TXNDC16: variants seen among roughly 807,000 people sequenced by gnomAD.
The protein encoded by TXNDC16 is thioredoxin domain-containing protein 16.
In TXNDC16, 74 loss-of-function variants were observed where a neutral mutation model predicts 85.6. The ratio of observed to expected loss-of-function variants is 0.86; its 90% CI spans 0.72 to 1.05. TXNDC16 has a LOEUF of 1.05. Among genes scored for constraint, TXNDC16 ranks in the 50% least tolerant of loss-of-function variants. TXNDC16 has a pLI of 0.00. For missense variants in TXNDC16, 959 were observed against 947.0 expected (o/e 1.01, Z -0.17); for synonymous variants, 335 against 326.5 (o/e 1.03, Z -0.28).
At chr14:52,459,808 A>G (rs1032511690) in intron 16 of TXNDC16, among the ~76,000 whole-genome samples, 2 of 152,238 alleles carry the variant, frequency 1.3e-5, no homozygotes, top group Non-Finnish European at 2.9e-5. Context: ...AGAACTAAAG[A>G]CAAAAATCAC....
intron 6 of TXNDC16, among the ~76,000 whole-genome samples, chr14:52,530,386 AATATT>A (rs1362178485): frequency 0.017 from 257 of 14,986 alleles, 21 homozygotes; most frequent in African/African-American, 0.054. Context: ...TATTATATAT[AATATT>A]ATAATATAAT....
intron 4 of TXNDC16, among the ~76,000 whole-genome samples, chr14:52,541,869 A>G (rs969179568): frequency 6.6e-6 from 1 of 152,256 alleles, no homozygotes; most frequent in African/African-American, 2.4e-5. Context: ...AAAAAAATTA[A>G]GTATGTAATG....
chr14:52,515,669 A>ATATGTGTGTGTGTG (rs1431250631), intron 7 of TXNDC16, among the ~76,000 whole-genome samples: 2 of 144,246 alleles, frequency 1.4e-5, no homozygotes, highest in African/African-American at 5.1e-5. Context: ...TTTCATACAT[A>ATATGTGTGTGTGTG]TGTGTGTGTG....
At chr14:52,466,145 A>G (rs1042584739) in intron 16 of TXNDC16, among the ~76,000 whole-genome samples, 1 of 152,102 alleles carries the variant, frequency 6.6e-6, no homozygotes, top group Admixed American at 6.5e-5. Context: ...TAAATAAATA[A>G]AAGCTCAGCA....
At chr14:52,463,482 C>G (rs1035904626) in intron 16 of TXNDC16, among the ~76,000 whole-genome samples, 1 of 152,184 alleles carries the variant, frequency 6.6e-6, no homozygotes, top group Non-Finnish European at 1.5e-5. Context: ...GCAGCCCCCC[C>G]AAACCAGAAT....
rs547866370 is a variant in TXNDC16, at chr14:52,457,055, C to A, written c.1703+35G>T. ...TAGATAACATTATTTTGCATAATTT[C>A]TCCCTCCCTAAAATTAAAAGAGCAA... On this transcript the variant is annotated intron_variant, in intron 17 of 20. Coordinates refer to ENST00000281741, the MANE Select transcript of TXNDC16 (RefSeq NM_020784.3). 1.9e-4 allele frequency: 254 copies of A among 1,367,378 alleles called. 9 individuals are homozygous for A. The South Asian group carries it at 3.1e-3, about 17-fold the overall frequency. The allele number at this position is 1,367,378 out of a possible 1,614,324, so 84.7% of individuals were successfully genotyped here.
intron 11 of TXNDC16, among the ~76,000 whole-genome samples, chr14:52,489,040 A>G (rs1352480114): frequency 6.6e-6 from 1 of 152,200 alleles, no homozygotes; most frequent in Non-Finnish European, 1.5e-5. Flanking sequence ...TCTTGTCACA[A>G]CCACATTATA....
Position 52,507,043 on chromosome 14 carries a change from A to G in TXNDC16, c.756+4197T>C, listed in dbSNP as rs550691509. Among the ~76,000 whole-genome samples, 6 of 152,186 alleles carry G rather than the reference A, an allele frequency of 3.9e-5. No homozygotes were observed. In the East Asian group the frequency reaches 9.7e-4, roughly 25 times the overall value. ...CTCTCTCACCACTCTTATTCAACAT[A>G]GTGTTGGAAGTTCTGTCCAGGGCAA... On this transcript the variant is annotated intron_variant, in intron 9 of 20. Coordinates refer to ENST00000281741, the MANE Select transcript of TXNDC16 (RefSeq NM_020784.3).
chr14:52,459,955 G>C (rs923923472), intron 16 of TXNDC16, among the ~76,000 whole-genome samples: 1 of 151,990 alleles, frequency 6.6e-6, no homozygotes, highest in Admixed American at 6.5e-5. Flanking sequence ...ACATCATACT[G>C]AATGGGCAAA....
Position 52,445,762 on chromosome 14 carries a change from A to G in TXNDC16, c.1843-5038T>C, listed in dbSNP as rs78270990. Among the ~76,000 whole-genome samples, 743 of 152,348 alleles carry G rather than the reference A, an allele frequency of 4.9e-3. 13 individuals are homozygous for G. The highest frequency in any genetic ancestry group is 0.039 in the Admixed American group (600 of 15,304). On this transcript the variant is annotated intron_variant, in intron 18 of 20. Coordinates refer to ENST00000281741, the MANE Select transcript of TXNDC16 (RefSeq NM_020784.3). ...TATTTAGTAAAGTAACATGCTGTACAGGTTTGTAGCCTAGGAGCAATATGC... is the reference window on the plus strand; with the variant it reads ...TATTTAGTAAAGTAACATGCTGTACGGGTTTGTAGCCTAGGAGCAATATGC...
chr14:52,530,779 G>T (rs1441420477), intron 6 of TXNDC16, among the ~76,000 whole-genome samples: 3 of 146,984 alleles, frequency 2.0e-5, no homozygotes, highest in African/African-American at 7.5e-5. Flanking sequence ...GAAGATAACA[G>T]AAGAAAAAAT....
chr14:52,518,523 G>T (rs2037137160), intron 7 of TXNDC16, among the ~76,000 whole-genome samples: 1 of 152,112 alleles, frequency 6.6e-6, no homozygotes, highest in Admixed American at 6.6e-5. Context: ...AGCAAACTCA[G>T]TTAGCTTTAC....
At chr14:52,444,424 A>C (rs978441725) in intron 18 of TXNDC16, among the ~76,000 whole-genome samples, 19 of 152,302 alleles carry the variant, frequency 1.2e-4, no homozygotes, top group Non-Finnish European at 2.2e-4. Context: ...GTTCATTAAA[A>C]TAAAAACTTC....
intron 18 of TXNDC16, among the ~76,000 whole-genome samples, chr14:52,445,379 C>A (rs939366031): frequency 2.6e-5 from 4 of 152,128 alleles, no homozygotes; most frequent in South Asian, 4.1e-4. Flanking sequence ...ATAAAGACTG[C>A]AGTCCCTTAG....
At chr14:52,510,744 TG>T (rs1294716457) in intron 9 of TXNDC16, among the ~76,000 whole-genome samples, 1 of 152,212 alleles carries the variant, frequency 6.6e-6, no homozygotes, top group East Asian at 1.9e-4. Context: ...GAGAACAGTT[TG>T]CTGATCACCA....
chr14:52,527,963 A>G (rs2037377704), intron 6 of TXNDC16, among the ~76,000 whole-genome samples: 1 of 152,170 alleles, frequency 6.6e-6, no homozygotes. Flanking sequence ...ATTTTAAATC[A>G]ATGATGTTTC....
At chr14:52,499,562 G>A (rs78858641) in intron 9 of TXNDC16, among the ~76,000 whole-genome samples, 4,544 of 147,964 alleles carry the variant, frequency 0.031, 223 homozygotes, top group African/African-American at 0.11. Context: ...AATAAAACTC[G>A]AAACCACCAT....
At chr14:52,440,855 G>C in intron 18 of TXNDC16, 131 bp from the exon 19 acceptor site, 2 of 764,814 alleles carry the variant, frequency 2.6e-6, no homozygotes, top group South Asian at 2.1e-5. Context: ...CACTTAAGTA[G>C]AGATTTTACT....
chr14:52,538,170 G>A (rs562772946), intron 4 of TXNDC16, among the ~76,000 whole-genome samples: 11 of 152,234 alleles, frequency 7.2e-5, no homozygotes, highest in African/African-American at 2.4e-4. Flanking sequence ...GGAGTCACTG[G>A]GCTGAAACTC....
Sources: gnomAD v4.1 joint callset for allele counts (sites outside exome capture counted in the v4.1 genomes callset) on GRCh38, gnomAD v4.1.1 for gene constraint, MANE v1.5 for transcripts, NCBI Gene and HGNC (gene_info 2026-07-23, HGNC 2026-07-21) for gene names.